The following NRG2 variants were observed in gnomAD, a reference collection of about 807,000 sequenced individuals.
The protein encoded by NRG2 is neuregulin 2.
NRG2 carries 27 observed loss-of-function variants against 73.9 expected under a neutral mutation model. That is an observed-to-expected ratio of 0.37 (90% CI 0.27 to 0.50). The LOEUF is 0.50. Ranked by LOEUF, NRG2 falls within the 20% of genes least tolerant of loss-of-function variation. The probability of loss-of-function intolerance (pLI) is 0.96; values close to 1 mark genes in which losing one functional copy is unlikely to be tolerated. For synonymous variants in NRG2, 532 were observed against 541.0 expected (o/e 0.98, Z 0.23); for missense variants, 1,126 against 1,210.1 (o/e 0.93, Z 1.03).
At chr5:139,957,380 C>T (rs1015109847) in intron 1 of NRG2, among the ~76,000 whole-genome samples, 1 of 150,294 alleles carries the variant, frequency 6.7e-6, no homozygotes, top group Non-Finnish European at 1.5e-5. Flanking sequence ...ATCCTGAGAA[C>T]AAGAGGCCAA....
intron 1 of NRG2, among the ~76,000 whole-genome samples, chr5:139,949,046 C>T (rs1328714404): frequency 1.3e-5 from 2 of 152,106 alleles, no homozygotes; most frequent in Non-Finnish European, 2.9e-5. Flanking sequence ...TACCAATAGG[C>T]TTCTCCAAAA....
chr5:139,957,989 G>T (rs1754764615), intron 1 of NRG2, among the ~76,000 whole-genome samples: 1 of 151,898 alleles, frequency 6.6e-6, no homozygotes, highest in South Asian at 2.1e-4. Flanking sequence ...CACTCTGGTG[G>T]GTCCTAGACT....
chr5:139,989,987 A>G (rs435900), intron 1 of NRG2, among the ~76,000 whole-genome samples: 1 of 151,042 alleles, frequency 6.6e-6, no homozygotes, highest in Non-Finnish European at 1.5e-5. Context: ...ACGGGGTTTC[A>G]CCATGTTAGC....
chr5:139,865,037 C>G lies in NRG2; in HGVS notation c.1189+512G>C. ...CCCTCTACATCTCCCCCTAGTCTTG[C>G]TAAGCAAGGCCCCATCCCTCCCCAG... On this transcript the variant is annotated intron_variant, in intron 5 of 9. Transcript: ENST00000361474. The surrounding 1 kb of genome is among the most constrained non-coding windows in gnomAD (Gnocchi z 5.2). The G allele has an allele frequency of 7.9e-7, 1 of 1,269,492 alleles. No individual in the cohort carries two copies. 78.6% of individuals were successfully genotyped at this position (1,269,492 alleles called of 1,614,324 possible). A position where few individuals can be genotyped will look rare whatever the true frequency, so the allele number is the denominator to read the frequency against.
chr5:140,000,627 G>A (rs1212782112), intron 1 of NRG2, among the ~76,000 whole-genome samples: 1 of 152,234 alleles, frequency 6.6e-6, no homozygotes, highest in Non-Finnish European at 1.5e-5. Flanking sequence ...AGCTGAACTT[G>A]GCTCTCAGGC....
rs771225497 is a variant in NRG2 at position 139,848,113 on chromosome 5, C to CCGTCCGCGT, written c.2348_2356dup (p.Asp783_Asp785dup). On this transcript the variant is annotated inframe_insertion, in exon 10 of 10. Transcript: ENST00000361474. ...AGGTGTGCTCTCGGCCGCCAGCGCC[C>CCGTCCGCGT]CGTCCGCGTCGTCCGCGTCGTCGTC... 86 of 1,474,650 alleles carry CCGTCCGCGT rather than the reference C, an allele frequency of 5.8e-5. No homozygotes were observed. The highest frequency in any genetic ancestry group is 1.2e-4 in the East Asian group (4 of 33,280). The allele number at this position is 1,474,650 out of a possible 1,614,324, so 91.3% of individuals were successfully genotyped here.
Position 139,980,462 on chromosome 5 carries a change from C to A in NRG2, c.700+61908G>T, listed in dbSNP as rs117307526. On this transcript the variant is annotated intron_variant, in intron 1 of 9. Transcript: ENST00000361474. The stretch of plus-strand genomic sequence containing the variant: ...CAAGCCTTAGATCCATAGGAATGTG[C>A]AGATAAATAAGCTCTGCTCTTAGCC... 4.2e-3 allele frequency among the ~76,000 whole-genome samples: 636 copies of A among 152,224 alleles called. 15 individuals carry two copies. The highest frequency in any genetic ancestry group is 0.035 in the Admixed American group (535 of 15,286).
chr5:139,848,904 C>T (rs935651705), intron 9 of NRG2, among the ~76,000 whole-genome samples: 1 of 152,180 alleles, frequency 6.6e-6, no homozygotes, highest in Non-Finnish European at 1.5e-5. Flanking sequence ...TTATCTGTTA[C>T]GCGGGCATAA....
chr5:140,008,822 C>G lies in NRG2; in HGVS notation c.700+33548G>C, dbSNP rs1759127179. Among the ~76,000 whole-genome samples the G allele has an allele frequency of 6.6e-6, 1 of 152,132 alleles. No homozygotes were observed. Among genetic ancestry groups the G allele is most frequent in the African/African-American group, 2.4e-5 (1 of 41,426 alleles). On this transcript the variant is annotated intron_variant, in intron 1 of 9. Transcript: ENST00000361474. This position sits in a 1 kb window ranked among gnomAD's most constrained non-coding sequence, Gnocchi z 4.2. ...ATGGTTAGGATATAGGCTCAGAAAT[C>G]AGACAGGCATGTCTCTGCTACTTAC...
intron 1 of NRG2, among the ~76,000 whole-genome samples, chr5:140,036,274 G>A (rs1012017353): frequency 1.3e-5 from 2 of 152,216 alleles, no homozygotes; most frequent in Non-Finnish European, 2.9e-5. Context: ...AAACATTATA[G>A]CTGATTAGCA....
intron 1 of NRG2, among the ~76,000 whole-genome samples, chr5:140,007,013 T>TTA (rs1758958330): frequency 2.0e-5 from 3 of 152,148 alleles, no homozygotes; most frequent in African/African-American, 7.2e-5. Context: ...GGTCCTTAAC[T>TTA]GGGGTGATTT....
chr5:139,865,817 A>C lies in NRG2; in HGVS notation c.1113-192T>G, dbSNP rs762559557. On this transcript the variant is annotated intron_variant, in intron 4 of 9. Transcript: ENST00000361474. This position sits in a 1 kb window ranked among gnomAD's most constrained non-coding sequence, Gnocchi z 5.2. ...ATCTCCTTAAAAATCTGTCTCATAG[A>C]TGTGGCTCCATGGGTGGTGGGGAAG... Among the ~76,000 whole-genome samples, 5 of 141,868 alleles carry C rather than the reference A, an allele frequency of 3.5e-5. No homozygotes were observed. Among genetic ancestry groups the C allele is most frequent in the Non-Finnish European group, 6.1e-5 (4 of 65,092 alleles). 93.1% of individuals were successfully genotyped at this position (141,868 alleles called of 152,430 possible).
At chr5:140,041,208 T>A (rs1266170319) in intron 1 of NRG2, among the ~76,000 whole-genome samples, 1 of 152,070 alleles carries the variant, frequency 6.6e-6, no homozygotes, top group Non-Finnish European at 1.5e-5. Flanking sequence ...TCTATGAGAG[T>A]ACAGGACATC....
chr5:139,895,177 C>G (rs1373763840), intron 1 of NRG2, among the ~76,000 whole-genome samples: 1 of 152,274 alleles, frequency 6.6e-6, no homozygotes, highest in Non-Finnish European at 1.5e-5. Flanking sequence ...AGGGACAACA[C>G]TATTCCCACC....
chr5:139,862,273 A>G (rs141391623), intron 5 of NRG2, among the ~76,000 whole-genome samples: 319 of 152,278 alleles, frequency 2.1e-3, no homozygotes, highest in African/African-American at 6.9e-3. Context: ...AAAGGCCAGT[A>G]CTGTTTAGAG....
chr5:139,929,349 A>C (rs1164909554), intron 1 of NRG2, among the ~76,000 whole-genome samples: 1 of 152,210 alleles, frequency 6.6e-6, no homozygotes, highest in Non-Finnish European at 1.5e-5. Context: ...CAATGACATT[A>C]AGCGTGTTAT....
At chr5:140,015,494 C>T (rs1305555361) in intron 1 of NRG2, among the ~76,000 whole-genome samples, 1 of 152,022 alleles carries the variant, frequency 6.6e-6, no homozygotes, top group Non-Finnish European at 1.5e-5. Context: ...GTCCCCAGTA[C>T]CCAAGACATT....
chr5:139,855,891 GC>G, intron 5 of NRG2, 113 bp from the exon 6 acceptor site: 1 of 751,504 alleles, frequency 1.3e-6, no homozygotes, highest in Non-Finnish European at 2.3e-6. Flanking sequence ...CTCAGGTCCT[GC>G]CCAGCTCCTT....
At chr5:139,975,633 A>G (rs982393255) in intron 1 of NRG2, among the ~76,000 whole-genome samples, 21 of 152,332 alleles carry the variant, frequency 1.4e-4, no homozygotes, top group Admixed American at 1.1e-3. Flanking sequence ...TCTGGGGAAT[A>G]TCAGATAGCA....
Sources: gnomAD v4.1 joint callset for allele counts (sites outside exome capture counted in the v4.1 genomes callset) on GRCh38, gnomAD v4.1.1 for gene constraint, Gnocchi (gnomAD v3.1) non-coding constraint, MANE v1.5 for transcripts, NCBI Gene and HGNC (gene_info 2026-07-23, HGNC 2026-07-21) for gene names.